The following WNK2 variants were observed in gnomAD, a reference collection of about 807,000 sequenced individuals.
WNK2 encodes serine/threonine-protein kinase WNK2.
Under a neutral mutation model 192.1 loss-of-function variants are expected in WNK2, and 67 were observed. The observed-to-expected ratio is 0.35, with a 90% confidence interval of 0.29 to 0.43. The LOEUF is 0.43. Among genes scored for constraint, WNK2 ranks in the 20% least tolerant of loss-of-function variants. The pLI, the probability that WNK2 is intolerant of heterozygous loss-of-function variation, is 1.00. For synonymous variants in WNK2, 1,439 were observed against 1,393.9 expected (o/e 1.03, Z -0.72); for missense variants, 2,698 against 3,089.7 (o/e 0.87, Z 3.01).
chr9:93,312,087 CT>C (rs1275734824), intron 28 of WNK2, among the ~76,000 whole-genome samples: 2 of 152,170 alleles, frequency 1.3e-5, no homozygotes, highest in Admixed American at 1.3e-4. Context: ...TTATTGAAGT[CT>C]TCTGCCAATG....
intron 19 of WNK2, among the ~76,000 whole-genome samples, chr9:93,275,134 A>G (rs892481213): frequency 6.6e-6 from 1 of 152,258 alleles, no homozygotes; most frequent in Admixed American, 6.5e-5. Context: ...CACCATATTA[A>G]TAGTCTAAAG....
At chr9:93,195,968 G>A (rs1021403239) in intron 2 of WNK2, among the ~76,000 whole-genome samples, 1 of 152,136 alleles carries the variant, frequency 6.6e-6, no homozygotes, top group African/African-American at 2.4e-5. Flanking sequence ...TTTGCTGAGG[G>A]TGGCTGCAGA....
chr9:93,301,016 G>A (rs902892315), intron 26 of WNK2, among the ~76,000 whole-genome samples: 5 of 152,178 alleles, frequency 3.3e-5, no homozygotes, highest in East Asian at 1.9e-4. Context: ...AGTCAATGAC[G>A]CAGTTCCTCC....
At chr9:93,273,846 A>G (rs990575459) in intron 19 of WNK2, among the ~76,000 whole-genome samples, 5 of 152,260 alleles carry the variant, frequency 3.3e-5, no homozygotes, top group African/African-American at 4.8e-5. Flanking sequence ...ACACTTCTAA[A>G]TAATTTACAG....
chr9:93,302,705 C>A lies in WNK2; in HGVS notation c.6214+2556C>A, dbSNP rs537337917. Among the ~76,000 whole-genome samples, 163 of 152,270 alleles carry A rather than the reference C, an allele frequency of 1.1e-3. 1 individual carries two copies. The highest frequency in any genetic ancestry group is 3.8e-3 in the African/African-American group (156 of 41,566). On this transcript the variant is annotated intron_variant, in intron 26 of 29. Transcript: ENST00000427277. ...TAGAGCAGGGCAGTGCAGCAGGCAC[C>A]TCCAGAGGCCCGAGCTGACTCAAGG...
intron 28 of WNK2, among the ~76,000 whole-genome samples, chr9:93,314,624 A>T (rs2134400909): frequency 6.6e-6 from 1 of 152,348 alleles, no homozygotes; most frequent in South Asian, 2.1e-4. Flanking sequence ...CCAGCCATTT[A>T]GTCCCTCCCT....
chr9:93,272,348 A>G (rs1272430630), intron 19 of WNK2, among the ~76,000 whole-genome samples: 1 of 152,242 alleles, frequency 6.6e-6, no homozygotes, highest in Non-Finnish European at 1.5e-5. Context: ...AGACTGTGAA[A>G]AGTTAAGTAT....
intron 23 of WNK2, among the ~76,000 whole-genome samples, chr9:93,297,447 T>C (rs935211233): frequency 6.6e-6 from 1 of 152,232 alleles, no homozygotes. Flanking sequence ...GTTTCCCCTG[T>C]GGAGGAAATA....
In WNK2 at chr9:93,320,377, T is replaced by C. The variant is rs1431874798; in HGVS notation, c.6639T>C (p.Ser2213=). The C allele has an allele frequency of 2.9e-6, 4 of 1,367,448 alleles. No individual in the cohort carries two copies. Among genetic ancestry groups the C allele is most frequent in the Non-Finnish European group, 3.9e-6 (4 of 1,021,788 alleles). The allele number at this position is 1,367,448 out of a possible 1,614,324, so 84.7% of individuals were successfully genotyped here. The part of the protein sequence containing the change: ...TLSVPTPDPE[S]EKPD Reference sequence around the variant, plus strand: ...GGTTTTGTTTTCCAGATCCTGAGAGTGAGAAGCCTGACTGACCCCGCCTAG... The same window carrying C: ...GGTTTTGTTTTCCAGATCCTGAGAGCGAGAAGCCTGACTGACCCCGCCTAG... Residue 2213 remains serine (S), a synonymous_variant, in exon 30 of 30, where the codon AGT becomes AGC. Transcript: ENST00000427277.
Position 93,185,388 on chromosome 9 carries a change from G to A in WNK2, c.459G>A (p.Lys153=). The change falls in exon 2 of 30, where the codon AAG becomes AAA. Residue 153 remains lysine (K), a synonymous_variant. Transcript: ENST00000427277. The part of the protein sequence containing the change: ...PREEAAATVR[K]EDEGAAEAKP... ...AGGAGGCGGCGGCGACCGTGAGGAA[G>A]GAGGATGAGGGGGCGGCCGAGGCGA... The A allele has an allele frequency of 6.3e-7, 1 of 1,598,276 alleles. No individual in the cohort carries two copies. Among genetic ancestry groups the A allele is most frequent in the African/African-American group, 1.3e-5 (1 of 74,798 alleles).
chr9:93,312,546 T>C (rs1167212731), intron 28 of WNK2, among the ~76,000 whole-genome samples: 1 of 152,062 alleles, frequency 6.6e-6, no homozygotes, highest in Non-Finnish European at 1.5e-5. Flanking sequence ...AGCTAATTAT[T>C]TTATTTTATT....
chr9:93,240,121 T>G, intron 7 of WNK2, 145 bp downstream of exon 7: 1 of 895,986 alleles, frequency 1.1e-6, no homozygotes, highest in Non-Finnish European at 1.7e-6. Context: ...CAGGCAGGTG[T>G]GGGCAGCTGA....
chr9:93,235,205 T>G (rs1349717587), intron 5 of WNK2, among the ~76,000 whole-genome samples: 3 of 152,142 alleles, frequency 2.0e-5, no homozygotes, highest in Non-Finnish European at 2.9e-5. Flanking sequence ...TGGGGTGCTG[T>G]GGGCAGTGCT....
At chr9:93,273,284 A>G (rs1247740223) in intron 19 of WNK2, among the ~76,000 whole-genome samples, 4 of 152,166 alleles carry the variant, frequency 2.6e-5, no homozygotes, top group African/African-American at 9.7e-5. Context: ...CAGCCTCCCG[A>G]GTAGCTAGGA....
intron 16 of WNK2, among the ~76,000 whole-genome samples, chr9:93,264,627 A>G (rs1844869536): frequency 6.6e-6 from 1 of 152,196 alleles, no homozygotes; most frequent in Non-Finnish European, 1.5e-5. Context: ...CTCCAGCTGA[A>G]AGCACGCACG....
intron 2 of WNK2, among the ~76,000 whole-genome samples, chr9:93,223,001 C>A (rs1048034110): frequency 6.6e-6 from 1 of 152,174 alleles, no homozygotes; most frequent in African/African-American, 2.4e-5. Flanking sequence ...TTTTTAAAAT[C>A]ATGAATTAGA....
At chr9:93,219,927 C>A (rs529624911) in intron 2 of WNK2, among the ~76,000 whole-genome samples, 1 of 152,256 alleles carries the variant, frequency 6.6e-6, no homozygotes, top group African/African-American at 2.4e-5. Context: ...ATCCAGGCCC[C>A]ACCCTGCTTA....
chr9:93,201,997 C>G (rs1832451646), intron 2 of WNK2, among the ~76,000 whole-genome samples: 2 of 152,232 alleles, frequency 1.3e-5, no homozygotes, highest in Admixed American at 6.5e-5. Flanking sequence ...AACTTTCCAC[C>G]TGGAAACCAG....
chr9:93,202,285 C>T (rs1832518001), intron 2 of WNK2, among the ~76,000 whole-genome samples: 1 of 151,292 alleles, frequency 6.6e-6, no homozygotes. Context: ...GTGTGGGGAC[C>T]TGGTATGCTT....
Sources: gnomAD v4.1 joint callset for allele counts (sites outside exome capture counted in the v4.1 genomes callset) on GRCh38, gnomAD v4.1.1 for gene constraint, MANE v1.5 for transcripts, NCBI Gene and HGNC (gene_info 2026-07-23, HGNC 2026-07-21) for gene names.